Variants in TENT5D observed in about 807,000 individuals in gnomAD.
TENT5D encodes the protein cancer/testis antigen 112.
For missense variants in TENT5D, 191 were observed against 287.0 expected (o/e 0.67, Z 2.42); for synonymous variants, 103 against 100.6 (o/e 1.02, Z -0.15).
intron 3 of TENT5D, among the ~76,000 whole-genome samples, chrX:80,382,982 G>A (rs938498986): frequency 5.4e-5 from 6 of 111,661 alleles, no homozygotes; most frequent in Admixed American, 9.5e-5. Flanking sequence ...GCTTCAGCTC[G>A]CCTTCCATGG....
chrX:80,372,932 A>G (rs1195782463), intron 3 of TENT5D, among the ~76,000 whole-genome samples: 2 of 109,061 alleles, frequency 1.8e-5, no homozygotes, highest in South Asian at 3.9e-4. Context: ...ACTGTATTTC[A>G]TATTACCAAA....
At chrX:80,357,500 C>A (rs1481869035) in intron 3 of TENT5D, among the ~76,000 whole-genome samples, 3 of 110,485 alleles carry the variant, frequency 2.7e-5, no homozygotes, top group Admixed American at 9.7e-5. Flanking sequence ...ATTTGCATTT[C>A]TCTGATGGCC....
At chrX:80,352,410 G>A (rs1282120203) in intron 3 of TENT5D, among the ~76,000 whole-genome samples, 1 of 111,460 alleles carries the variant, frequency 9.0e-6, no homozygotes, top group Non-Finnish European at 1.9e-5. Context: ...GCTTTGCCAC[G>A]CTTTGTTGAG....
intron 3 of TENT5D, among the ~76,000 whole-genome samples, chrX:80,407,056 A>AT (rs1931514757): frequency 9.2e-6 from 1 of 109,013 alleles, no homozygotes; most frequent in African/African-American, 3.3e-5. Flanking sequence ...ATGCTGAGAG[A>AT]TTTTGTCACC....
At chrX:80,354,351 G>T (rs1930243243) in intron 3 of TENT5D, among the ~76,000 whole-genome samples, 1 of 111,198 alleles carries the variant, frequency 9.0e-6, no homozygotes, top group African/African-American at 3.3e-5. Flanking sequence ...CATAGGTTTG[G>T]TCTCTTTACC....
chrX:80,343,520 C>T (rs1355645353), intron 3 of TENT5D, among the ~76,000 whole-genome samples: 1 of 108,546 alleles, frequency 9.2e-6, no homozygotes, highest in Non-Finnish European at 1.9e-5. Context: ...GCCTCAACCT[C>T]CCGAGTAGCT....
chrX:80,351,538 A>G (rs966826760), intron 3 of TENT5D, among the ~76,000 whole-genome samples: 3 of 109,518 alleles, frequency 2.7e-5, no homozygotes, highest in African/African-American at 1.0e-4. Flanking sequence ...TATTCTAGTT[A>G]GCAGTTCCTG....
intron 2 of TENT5D, among the ~76,000 whole-genome samples, chrX:80,340,769 G>A (rs1929942239): frequency 9.0e-6 from 1 of 111,562 alleles, no homozygotes; most frequent in South Asian, 3.7e-4. Context: ...TCTTTCCCAA[G>A]TTTTGACAGC....
intron 3 of TENT5D, among the ~76,000 whole-genome samples, chrX:80,342,947 AT>A (rs200150103): frequency 0.1 from 10,770 of 104,173 alleles, 546 homozygotes; most frequent in African/African-American, 0.18. Context: ...GTCTATCTTT[AT>A]TTTTTTTTTT....
chrX:80,364,341 C>T (rs1401964128), intron 3 of TENT5D, among the ~76,000 whole-genome samples: 1 of 111,785 alleles, frequency 8.9e-6, no homozygotes, highest in Non-Finnish European at 1.9e-5. Context: ...GGTATTTGCC[C>T]ACTTTGTCAA....
At chrX:80,406,345 A>C (rs779151267) in intron 3 of TENT5D, among the ~76,000 whole-genome samples, 1 of 107,258 alleles carries the variant, frequency 9.3e-6, no homozygotes, top group East Asian at 3.0e-4. Context: ...GAAGTTGAAA[A>C]CTTTGAAAAA....
chrX:80,365,932 A>G (rs763546365), intron 3 of TENT5D, among the ~76,000 whole-genome samples: 1 of 111,471 alleles, frequency 9.0e-6, no homozygotes, highest in African/African-American at 3.3e-5. Context: ...AATGAAAGGT[A>G]GGAGTCATTA....
chrX:80,398,969 T>G (rs1407661975), intron 3 of TENT5D, among the ~76,000 whole-genome samples: 1 of 112,204 alleles, frequency 8.9e-6, no homozygotes, highest in Non-Finnish European at 1.9e-5. Flanking sequence ...TTAGATTGTT[T>G]TCATTCTATA....
intron 3 of TENT5D, among the ~76,000 whole-genome samples, chrX:80,376,904 T>C (rs1330636455): frequency 9.0e-6 from 1 of 111,545 alleles, no homozygotes; most frequent in Non-Finnish European, 1.9e-5. Context: ...TTAATTACAA[T>C]AGGAAATTCA....
chrX:80,410,898 G>A (rs1342476304), intron 3 of TENT5D, among the ~76,000 whole-genome samples: 62 of 106,262 alleles, frequency 5.8e-4, no homozygotes, highest in Non-Finnish European at 1.1e-3. Context: ...TATACACCAT[G>A]GAATACTATG....
chrX:80,427,829 G>A (rs1932013879), intron 1 of TENT5D, among the ~76,000 whole-genome samples: 1 of 112,046 alleles, frequency 8.9e-6, no homozygotes, highest in Admixed American at 9.5e-5. Flanking sequence ...GATTTGTGGT[G>A]ACTTTTCGGT....
chrX:80,398,959 T>C (rs1480990220), intron 3 of TENT5D, among the ~76,000 whole-genome samples: 1 of 112,035 alleles, frequency 8.9e-6, no homozygotes, highest in Non-Finnish European at 1.9e-5. Context: ...ATTTTTTAAA[T>C]TAGATTGTTT....
intron 3 of TENT5D, among the ~76,000 whole-genome samples, chrX:80,402,442 G>A (rs980439525): frequency 5.4e-5 from 6 of 110,864 alleles, no homozygotes; most frequent in Non-Finnish European, 9.5e-5. Context: ...TGCTAACATT[G>A]GACTTAGTTT....
intron 3 of TENT5D, among the ~76,000 whole-genome samples, chrX:80,353,306 A>T (rs1489576934): frequency 1.8e-5 from 2 of 112,187 alleles, no homozygotes; most frequent in Admixed American, 1.9e-4. Context: ...TTTCAGGGAT[A>T]CATATGCAGG....
Sources: allele counts gnomAD v4.1 joint callset (sites outside exome capture counted in the v4.1 genomes callset), GRCh38; gene constraint gnomAD v4.1.1; transcripts MANE v1.5; gene names NCBI Gene and HGNC (gene_info 2026-07-23, HGNC 2026-07-21).